The following LRRC61 variants were observed in gnomAD, a reference collection of about 807,000 sequenced individuals.
The protein encoded by LRRC61 is leucine-rich repeat-containing protein 61.
In LRRC61, 9 loss-of-function variants were observed where a neutral mutation model predicts 15.1. That is an observed-to-expected ratio of 0.60 (90% CI 0.36 to 1.04). The LOEUF (loss-of-function observed/expected upper bound fraction) is 1.04, where lower values mean the gene tolerates loss of function less well. Ranked by LOEUF, LRRC61 falls within the 50% of genes least tolerant of loss-of-function variation. The pLI is 0.01. For missense variants in LRRC61, 344 were observed against 335.6 expected, an observed-to-expected ratio of 1.03 and a Z score of -0.20; for synonymous variants, 173 against 158.6, an observed-to-expected ratio of 1.09 and a Z score of -0.68.
intron 1 of LRRC61, among the ~76,000 whole-genome samples, chr7:150,325,234 ATCACCCCGCCCTGCCG>A (rs1406283638): frequency 6.6e-6 from 1 of 152,198 alleles, no homozygotes; most frequent in Non-Finnish European, 1.5e-5. Context: ...GCATTGTGCC[ATCACCCCGCCCTGCCG>A]TCACCCCGGC....
At chr7:150,316,683 A>T in the LRRC61 span, among the ~76,000 whole-genome samples, 1 of 151,864 alleles carries the variant, frequency 6.6e-6, no homozygotes. Context: ...ACGGGGTTTC[A>T]CCATGTTGGC....
Position 150,336,932 on chromosome 7 carries a change from G to T in LRRC61, c.71G>T (p.Arg24Leu), listed in dbSNP as rs200119255. 3 of 1,613,780 alleles carry T rather than the reference G, an allele frequency of 1.9e-6. No homozygotes were observed. The highest frequency in any genetic ancestry group is 2.5e-6 in the Non-Finnish European group (3 of 1,180,038). The change falls in exon 3 of 3, where the codon CGC (arginine) becomes CTC (leucine). Residue 24 changes from arginine to leucine, a missense_variant. Transcript: ENST00000359623. ...LQITPQLLKSRTGEFSLESIL... is the reference protein window; with the variant it reads ...LQITPQLLKSLTGEFSLESIL... The stretch of plus-strand genomic sequence containing the variant: ...ATCACACCCCAGCTGCTGAAGTCAC[G>T]CACAGGCGAGTTCTCCCTGGAGTCC...
Position 150,336,947 on chromosome 7 carries a change from C to G in LRRC61, c.86C>G (p.Ser29Cys), listed in dbSNP as rs1287891444. Residue 29 changes from serine to cysteine, a missense_variant, in exon 3 of 3, where the codon TCC becomes TGC. Transcript: ENST00000359623. The part of the protein sequence containing the change: ...QLLKSRTGEF[S>C]LESILLLKLR... ...CTGAAGTCACGCACAGGCGAGTTCT[C>G]CCTGGAGTCCATCCTGCTACTGAAG... The G allele has an allele frequency of 1.2e-6, 2 of 1,613,952 alleles. No individual in the cohort carries two copies.
At position 150,337,989 on chromosome 7, in the gene LRRC61, T is replaced by C; in HGVS notation, c.*348T>C. 1 of 417,628 alleles carries C rather than the reference T, an allele frequency of 2.4e-6. No individual in the cohort carries two copies. Among genetic ancestry groups the C allele is most frequent in the Non-Finnish European group, 4.6e-6 (1 of 218,482 alleles). The allele number at this position is 417,628 out of a possible 1,614,324, so 25.9% of individuals were successfully genotyped here. ...TGGGCCAGCCTCCCGTCTCAGCTGT[T>C]GGGAGACAGTAGGCAGGCTGAGTGG... On this transcript the variant is annotated 3_prime_UTR_variant, in exon 3 of 3. Transcript: ENST00000359623.
At chr7:150,312,666 T>G in the LRRC61 span, among the ~76,000 whole-genome samples, 3 of 152,234 alleles carry the variant, frequency 2.0e-5, no homozygotes, top group East Asian at 3.8e-4. Flanking sequence ...TAACTCATTA[T>G]AAAATTTTCT....
the LRRC61 span, among the ~76,000 whole-genome samples, chr7:150,314,358 A>G: frequency 6.6e-6 from 1 of 152,170 alleles, no homozygotes; most frequent in Admixed American, 6.5e-5. Context: ...TTAAACTATT[A>G]ATAGGTAGAG....
In LRRC61 at chr7:150,336,780, CA is replaced by C; in HGVS notation, c.-81del. 1 of 1,523,982 alleles carries C rather than the reference CA, an allele frequency of 6.6e-7. No individual in the cohort carries two copies. Among genetic ancestry groups the C allele is most frequent in the African/African-American group, 1.4e-5 (1 of 73,244 alleles). The allele number at this position is 1,523,982 out of a possible 1,614,324, so 94.4% of individuals were successfully genotyped here. A position where few individuals can be genotyped will look rare whatever the true frequency, so the allele number is the denominator to read the frequency against. ...CTCCTGGCACTGGCCTGGGTAGAGCCAGGGCGAGCACCAGCTGACCCCCAGT... is the reference window on the plus strand; with the variant it reads ...CTCCTGGCACTGGCCTGGGTAGAGCCGGGCGAGCACCAGCTGACCCCCAGT... On this transcript the variant is annotated 5_prime_UTR_variant, in exon 3 of 3. Transcript: ENST00000359623.
chr7:150,312,075 A>C, the LRRC61 span, among the ~76,000 whole-genome samples: 1 of 152,202 alleles, frequency 6.6e-6, no homozygotes, highest in South Asian at 2.1e-4. Context: ...AACGGATCTT[A>C]TTGCTAAAGA....
chr7:150,310,984 G>A, the LRRC61 span, among the ~76,000 whole-genome samples: 6,214 of 152,122 alleles, frequency 0.041, 422 homozygotes, highest in African/African-American at 0.14. Flanking sequence ...CCTGCAGACC[G>A]TGTTCAGTTA....
Position 150,337,194 on chromosome 7 carries a change from C to G in LRRC61, c.333C>G (p.Thr111=), listed in dbSNP as rs746030305. ...SLNAAGNLLA[T]PGQLQCLAGL... ...ATGCCGCAGGCAACCTACTGGCCAC[C>G]CCGGGCCAGCTGCAGTGTCTGGCTG... The change falls in exon 3 of 3, where the codon ACC becomes ACG. Residue 111 remains threonine (T), a synonymous_variant. Coordinates refer to ENST00000359623, the MANE Select transcript of LRRC61 (RefSeq NM_001142928.2). 2 of 1,607,068 alleles carry G rather than the reference C, an allele frequency of 1.2e-6. No individual in the cohort carries two copies. The highest frequency in any genetic ancestry group is 4.5e-5 in the East Asian group (2 of 44,886).
chr7:150,332,184 C>G (rs926717215), intron 2 of LRRC61: 1 of 167,142 alleles, frequency 6.0e-6, no homozygotes, highest in African/African-American at 2.4e-5. Context: ...GTAGCACACA[C>G]TCATCATGGA....
chr7:150,312,003 C>T, the LRRC61 span, among the ~76,000 whole-genome samples: 242 of 152,340 alleles, frequency 1.6e-3, no homozygotes, highest in African/African-American at 5.6e-3. Context: ...AAAGGCCCTT[C>T]TTAAGGCTGC....
the LRRC61 span, among the ~76,000 whole-genome samples, chr7:150,311,896 A>G: frequency 2.6e-5 from 4 of 152,296 alleles, no homozygotes; most frequent in South Asian, 4.1e-4. Context: ...ACTGACTCCA[A>G]ATATGCTTTC....
At chr7:150,318,623 G>A (rs758818718), upstream of LRRC61, among the ~76,000 whole-genome samples, 10 of 152,236 alleles carry the variant, frequency 6.6e-5, no homozygotes, top group Middle Eastern at 6.8e-3. Flanking sequence ...TTAGCCAGGC[G>A]TGGTGGTGCA....
chr7:150,330,998 G>T lies in LRRC61; in HGVS notation c.-145+4988G>T. ...ACTGGGCCAGCATCATTGTCAAGAA[G>T]TATCTGTGGGAGAATGAGACCGTTG... On this transcript the variant is annotated intron_variant, in intron 2 of 2. Transcript: ENST00000359623. This position sits in a 1 kb window ranked among gnomAD's most constrained non-coding sequence, Gnocchi z 4.6. 5 of 1,611,908 alleles carry T rather than the reference G, an allele frequency of 3.1e-6. No homozygotes were observed. Among genetic ancestry groups the T allele is most frequent in the Non-Finnish European group, 3.4e-6 (4 of 1,179,986 alleles).
chr7:150,328,021 C>G (rs910689091), intron 2 of LRRC61, among the ~76,000 whole-genome samples: 1 of 152,170 alleles, frequency 6.6e-6, no homozygotes, highest in African/African-American at 2.4e-5. Flanking sequence ...GGGTGAACCA[C>G]ATTGACTCAG....
chr7:150,323,648 C>G (rs573302912), intron 1 of LRRC61, 88 bp downstream of exon 1: 2 of 455,410 alleles, frequency 4.4e-6, no homozygotes, highest in Admixed American at 2.4e-5. Flanking sequence ...GCTGGGCCAG[C>G]GGTGCCCTCG....
chr7:150,315,916 G>A, the LRRC61 span, among the ~76,000 whole-genome samples: 1 of 151,910 alleles, frequency 6.6e-6, no homozygotes, highest in African/African-American at 2.4e-5. Flanking sequence ...CGAATGCATA[G>A]GCCGGCCGCG....
At chr7:150,327,140 T>G (rs1020310099) in intron 2 of LRRC61, among the ~76,000 whole-genome samples, 1 of 151,674 alleles carries the variant, frequency 6.6e-6, no homozygotes, top group Non-Finnish European at 1.5e-5. Context: ...TTGTCAGATC[T>G]TTTTTATCTT....
Sources: allele counts gnomAD v4.1 joint callset (sites outside exome capture counted in the v4.1 genomes callset), GRCh38; gene constraint gnomAD v4.1.1; non-coding constraint Gnocchi (gnomAD v3.1); transcripts MANE v1.5; gene names NCBI Gene and HGNC (gene_info 2026-07-23, HGNC 2026-07-21).